The following RANBP2 variants were observed in gnomAD, a reference collection of about 807,000 sequenced individuals.
RANBP2 encodes RAN binding protein 2, also known as E3 SUMO-protein ligase RanBP2.
A neutral mutation model predicts 303.6 loss-of-function variants in RANBP2; 57 were observed. The ratio of observed to expected loss-of-function variants is 0.19; its 90% CI spans 0.15 to 0.23. The LOEUF is 0.23. Ranked by LOEUF, RANBP2 falls within the 10% of genes least tolerant of loss-of-function variation. The pLI is 1.00. For missense variants in RANBP2, 3,138 were observed against 3,780.8 expected (o/e 0.83, Z 4.46); for synonymous variants, 1,167 against 1,301.5 (o/e 0.90, Z 2.23).
the RANBP2 span, among the ~76,000 whole-genome samples, chr2:108,960,813 T>A: frequency 6.6e-6 from 1 of 152,236 alleles, no homozygotes; most frequent in Non-Finnish European, 1.5e-5. Flanking sequence ...GTATCCTGTT[T>A]GCTTAATGAT....
the RANBP2 span, among the ~76,000 whole-genome samples, chr2:109,323,900 A>G: frequency 6.6e-6 from 1 of 152,234 alleles, no homozygotes; most frequent in African/African-American, 2.4e-5. Context: ...AACCACCATC[A>G]CTGTCTAATT....
the RANBP2 span, among the ~76,000 whole-genome samples, chr2:109,015,796 G>A: frequency 5.3e-5 from 8 of 151,958 alleles, no homozygotes; most frequent in South Asian, 2.1e-4. Context: ...TAAAGAATAC[G>A]GTATATAATA....
chr2:109,369,411 G>T, the RANBP2 span, among the ~76,000 whole-genome samples: 1 of 152,212 alleles, frequency 6.6e-6, no homozygotes, highest in African/African-American at 2.4e-5. Flanking sequence ...CTGGAGGGAC[G>T]CTCTGCTAAA....
the RANBP2 span, among the ~76,000 whole-genome samples, chr2:108,805,591 A>G: frequency 4.6e-5 from 7 of 151,756 alleles, no homozygotes; most frequent in African/African-American, 7.3e-5. Context: ...GCTGGGCGTG[A>G]TGGCGGGCGC....
chr2:109,403,973 T>C, the RANBP2 span, among the ~76,000 whole-genome samples: 1 of 152,156 alleles, frequency 6.6e-6, no homozygotes. Flanking sequence ...CTGTGGTGGC[T>C]CTTTCTGCTG....
the RANBP2 span, among the ~76,000 whole-genome samples, chr2:109,335,247 C>A: frequency 6.6e-6 from 1 of 152,224 alleles, no homozygotes; most frequent in Non-Finnish European, 1.5e-5. Context: ...GGGCAAGGCC[C>A]CTCGCCCGTC....
rs774055387 is a variant in RANBP2, at chr2:108,775,824, A to G, written c.8385A>G (p.Glu2795=). The G allele has an allele frequency of 3.4e-5, 55 of 1,613,716 alleles. No homozygotes were observed. The highest frequency in any genetic ancestry group is 4.6e-5 in the Non-Finnish European group (54 of 1,179,922). The change falls in exon 24 of 29, where the codon GAA becomes GAG. Residue 2795 remains glutamate (E), a synonymous_variant. Transcript: ENST00000283195. The part of the protein sequence containing the change: ...VMVPSFCKSE[E]PDSITKSISS... The stretch of plus-strand genomic sequence containing the variant: ...TACCTTCTTTCTGTAAATCTGAAGA[A>G]CCTGATTCTATTACCAAATCCATTA...
the RANBP2 span, among the ~76,000 whole-genome samples, chr2:109,291,210 AG>A: frequency 6.6e-6 from 1 of 152,136 alleles, no homozygotes; most frequent in Non-Finnish European, 1.5e-5. Flanking sequence ...AAATGCTGTC[AG>A]GATATTATGG....
chr2:108,957,487 C>T, the RANBP2 span, among the ~76,000 whole-genome samples: 2 of 152,138 alleles, frequency 1.3e-5, no homozygotes, highest in African/African-American at 4.8e-5. Flanking sequence ...CTCATGGAGG[C>T]CCCCCAGGGG....
chr2:109,526,557 C>T, the RANBP2 span, among the ~76,000 whole-genome samples: 7,117 of 152,228 alleles, frequency 0.047, 560 homozygotes, highest in African/African-American at 0.16. Flanking sequence ...AGTGATCCAC[C>T]TGCCTTGGTC....
the RANBP2 span, among the ~76,000 whole-genome samples, chr2:108,971,285 T>C: frequency 6.6e-6 from 1 of 151,654 alleles, no homozygotes; most frequent in African/African-American, 2.4e-5. Flanking sequence ...CTCTGAGGAG[T>C]TCAAAGAGTG....
chr2:108,792,606 T>C, the RANBP2 span, among the ~76,000 whole-genome samples: 2 of 152,208 alleles, frequency 1.3e-5, no homozygotes, highest in Non-Finnish European at 2.9e-5. Flanking sequence ...CTTTCACTTT[T>C]AGGGCATTTG....
the RANBP2 span, among the ~76,000 whole-genome samples, chr2:109,178,448 C>T: frequency 6.6e-6 from 1 of 152,078 alleles, no homozygotes; most frequent in Non-Finnish European, 1.5e-5. Flanking sequence ...TAGATGGTCT[C>T]CTGTAGCAGG....
the RANBP2 span, among the ~76,000 whole-genome samples, chr2:109,289,162 CCT>C: frequency 6.6e-6 from 1 of 151,912 alleles, no homozygotes; most frequent in Admixed American, 6.6e-5. Flanking sequence ...TCCTCCATCC[CCT>C]GTCTCTCTCT....
At chr2:108,781,614 AT>A (rs979254082) in intron 26 of RANBP2, among the ~76,000 whole-genome samples, 185 bp downstream of exon 26, 8 of 152,192 alleles carry the variant, frequency 5.3e-5, no homozygotes, top group African/African-American at 1.9e-4. Flanking sequence ...TTACATAAAT[AT>A]TGGTTTGTAA....
chr2:109,472,669 A>T, the RANBP2 span, among the ~76,000 whole-genome samples: 1 of 152,206 alleles, frequency 6.6e-6, no homozygotes, highest in African/African-American at 2.4e-5. Flanking sequence ...TAGTGTGTTT[A>T]ATTTTTCCTG....
chr2:109,249,207 T>G, the RANBP2 span, among the ~76,000 whole-genome samples: 2 of 152,206 alleles, frequency 1.3e-5, no homozygotes, highest in South Asian at 4.1e-4. Context: ...TAACTTCAGC[T>G]AAGCAACTCC....
chr2:108,896,031 C>CT, the RANBP2 span: 1 of 152,204 alleles, frequency 6.6e-6, no homozygotes, highest in Admixed American at 6.5e-5. Context: ...CATTGCTGCC[C>CT]CTAAAAGGTC....
At chr2:108,889,590 ATT>A in the RANBP2 span, among the ~76,000 whole-genome samples, 1 of 148,204 alleles carries the variant, frequency 6.7e-6, no homozygotes, top group African/African-American at 2.6e-5. Flanking sequence ...CTTAAAGTCT[ATT>A]TTATCTCATC....
Sources: allele counts gnomAD v4.1 joint callset (sites outside exome capture counted in the v4.1 genomes callset), GRCh38; gene constraint gnomAD v4.1.1; transcripts MANE v1.5; gene names NCBI Gene and HGNC (gene_info 2026-07-23, HGNC 2026-07-21).